RNF103: variants seen among roughly 807,000 people sequenced by gnomAD.
RNF103 encodes ring finger protein 103, also known as E3 ubiquitin-protein ligase RNF103.
Under a neutral mutation model 66.2 loss-of-function variants are expected in RNF103, and 23 were observed. The observed-to-expected ratio is 0.35, with a 90% CI of 0.25 to 0.49. The LOEUF (loss-of-function observed/expected upper bound fraction) is 0.49, where lower values mean the gene tolerates loss of function less well. Among genes scored for constraint, RNF103 ranks in the 20% least tolerant of loss-of-function variants. The pLI is 0.98. For missense variants in RNF103, 730 were observed against 814.7 expected, an observed-to-expected ratio of 0.90 and a Z score of 1.27; for synonymous variants, 297 against 289.9, an observed-to-expected ratio of 1.02 and a Z score of -0.25.
Position 86,606,206 on chromosome 2 carries a change from T to A in RNF103, c.483-788A>T, listed in dbSNP as rs376071528. On this transcript the variant is annotated intron_variant, in intron 3 of 3. Coordinates refer to ENST00000237455, the MANE Select transcript of RNF103 (RefSeq NM_005667.4). The stretch of plus-strand genomic sequence containing the variant: ...GAATGATCCCCATTTTACAGCAGAT[T>A]ATATTCAGAAGAATTTAACTAAAAT... Among the ~76,000 whole-genome samples the A allele has an allele frequency of 3.9e-5, 6 of 152,318 alleles. No homozygotes were observed. In the East Asian group the frequency reaches 7.7e-4, roughly 20 times the overall value.
rs139417009 is a variant in RNF103 at position 86,609,286 on chromosome 2, C to T, written c.482+2873G>A. ...TGTTCTGGCAGCACAGAAGCCTCAC[C>T]AGAAGCTGAGCAGATGCTGGCACCA... On this transcript the variant is annotated intron_variant, in intron 3 of 3. Transcript: ENST00000237455. Among the ~76,000 whole-genome samples the T allele has an allele frequency of 5.8e-3, 885 of 152,214 alleles. 5 individuals carry two copies. The highest frequency in any genetic ancestry group is 9.8e-3 in the Non-Finnish European group (667 of 68,008).
At chr2:86,608,486 CAAAAA>C (rs1222638516) in intron 3 of RNF103, among the ~76,000 whole-genome samples, 2,382 of 39,922 alleles carry the variant, frequency 0.06, 19 homozygotes, top group East Asian at 0.12. Context: ...GACTCCATCT[CAAAAA>C]AAAAAAAAAA....
chr2:86,604,324 T>C lies in RNF103; in HGVS notation c.1577A>G (p.Glu526Gly). The change falls in exon 4 of 4, where the codon GAG (glutamate) becomes GGG (glycine). Residue 526 changes from glutamate (E) to glycine (G), a missense_variant. Physicochemically the swap from Glu to Gly is moderately conservative, Grantham distance 98. Coordinates refer to ENST00000237455, the MANE Select transcript of RNF103 (RefSeq NM_005667.4). ...RFKCLGVQSE[E>G]EMSEGSQDTE... Reference sequence around the variant, plus strand: ...ATCTTGAGACCCCTCCGACATTTCCTCTTCAGACTGGACTCCAAGACATTT... The same window carrying C: ...ATCTTGAGACCCCTCCGACATTTCCCCTTCAGACTGGACTCCAAGACATTT... The C allele has an allele frequency of 6.2e-7, 1 of 1,614,230 alleles. No individual in the cohort carries two copies. The highest frequency in any genetic ancestry group is 8.5e-7 in the Non-Finnish European group (1 of 1,180,040).
In RNF103 at chr2:86,603,685, G is replaced by A; in HGVS notation, c.*158C>T. On this transcript the variant is annotated 3_prime_UTR_variant, in exon 4 of 4. Coordinates refer to ENST00000237455, the MANE Select transcript of RNF103 (RefSeq NM_005667.4). ...GGTATGCATTCAATTAACACACAAG[G>A]CAACCAAATAAATTCTGTCATCAAC... The A allele has an allele frequency of 1.8e-6, 2 of 1,081,544 alleles. No homozygotes were observed. Among genetic ancestry groups the A allele is most frequent in the Non-Finnish European group, 2.6e-6 (2 of 783,848 alleles). The allele number at this position is 1,081,544 out of a possible 1,614,324, so 67.0% of individuals were successfully genotyped here.
chr2:86,612,831 C>CT (rs768063100), intron 2 of RNF103: 1 of 152,144 alleles, frequency 6.6e-6, no homozygotes, highest in Non-Finnish European at 1.5e-5. Context: ...ATGAACGGCT[C>CT]TAACATACAA....
chr2:86,606,532 G>A (rs1452584956), intron 3 of RNF103, among the ~76,000 whole-genome samples: 5 of 151,656 alleles, frequency 3.3e-5, no homozygotes, highest in African/African-American at 1.2e-4. Context: ...GCATGGCAAC[G>A]CGTGCCTGTA....
In RNF103 at chr2:86,603,603, C is replaced by CA. The variant is rs1342315341; in HGVS notation, c.*239dup. 1.6e-5 allele frequency: 8 copies of CA among 512,112 alleles called. No individual in the cohort carries two copies. In the East Asian group the frequency reaches 2.3e-4, roughly 15 times the overall value. 31.7% of individuals were successfully genotyped at this position (512,112 alleles called of 1,614,324 possible). A position where few individuals can be genotyped will look rare whatever the true frequency, so the allele number is the denominator to read the frequency against. ...TTCTATAATACTTCTTTTGTGCTTA[C>CA]AAAAAAACATTAACTTCTGAATTTC... On this transcript the variant is annotated 3_prime_UTR_variant, in exon 4 of 4. Transcript: ENST00000237455.
At chr2:86,622,624 C>G (rs963140056) in intron 1 of RNF103, 37 bp downstream of exon 1, 24 of 1,606,904 alleles carry the variant, frequency 1.5e-5, no homozygotes, top group Non-Finnish European at 2.0e-5. Flanking sequence ...TCCCCTCTCC[C>G]AGGTGGAGGG....
chr2:86,616,073 C>T (rs114637818), intron 2 of RNF103, among the ~76,000 whole-genome samples: 113 of 152,340 alleles, frequency 7.4e-4, no homozygotes, highest in Middle Eastern at 3.4e-3. Flanking sequence ...CAAACAGTGG[C>T]ATAAATGGTA....
Position 86,623,577 on chromosome 2 carries a change from G to A in RNF103, c.-691C>T. 1.0e-6 allele frequency: 1 copy of A among 998,954 alleles called. No homozygotes were observed. Among genetic ancestry groups the A allele is most frequent in the Non-Finnish European group, 1.2e-6 (1 of 837,836 alleles). The allele number at this position is 998,954 out of a possible 1,614,324, so 61.9% of individuals were successfully genotyped here. ...GCTCCAGGTTCGCTCGGGCCGGCTGGCGGGCGGCGCCTCTCAGGCGGGCGG... is the reference window on the plus strand; with the variant it reads ...GCTCCAGGTTCGCTCGGGCCGGCTGACGGGCGGCGCCTCTCAGGCGGGCGG... On this transcript the variant is annotated 5_prime_UTR_variant, in exon 1 of 4. Coordinates refer to ENST00000237455, the MANE Select transcript of RNF103 (RefSeq NM_005667.4).
chr2:86,614,840 T>C (rs1678956789), intron 2 of RNF103: 1 of 985,256 alleles, frequency 1.0e-6, no homozygotes, highest in South Asian at 4.7e-5. Flanking sequence ...CTTTGCCCTC[T>C]TTTAAAAATA....
chr2:86,613,394 A>C (rs1422124974), intron 2 of RNF103: 5 of 152,212 alleles, frequency 3.3e-5, no homozygotes, highest in African/African-American at 9.6e-5. Flanking sequence ...AACATTAAAA[A>C]CAAGACCATA....
Position 86,623,220 on chromosome 2 carries a change from A to C in RNF103, c.-334T>G. 4.0e-6 allele frequency: 4 copies of C among 1,009,964 alleles called. No homozygotes were observed. Among genetic ancestry groups the C allele is most frequent in the Non-Finnish European group, 2.4e-6 (2 of 847,526 alleles). The allele number at this position is 1,009,964 out of a possible 1,614,324, so 62.6% of individuals were successfully genotyped here. On this transcript the variant is annotated 5_prime_UTR_variant, in exon 1 of 4. Coordinates refer to ENST00000237455, the MANE Select transcript of RNF103 (RefSeq NM_005667.4). ...GGGAGAGCTCGCGGGGAAGAACAAA[A>C]CGAGGGACGCTTCCCCCGGGGCGGG...
Position 86,612,219 on chromosome 2 carries a change from AC to A in RNF103, c.421del (p.Val141LeufsTer59). Reference sequence around the variant, plus strand: ...TATTCCAAATCTTGACACCTTTTTAACCATTTTCTCCCAGTGAATTTTGCCC... The same window carrying A: ...TATTCCAAATCTTGACACCTTTTTAACATTTTCTCCCAGTGAATTTTGCCC... ...LVGKIHWEKMVKKVSRFGIRT... is the reference protein window; with the variant it reads ...LVGKIHWEKMXKKVSRFGIRT... On this transcript the variant is annotated frameshift_variant, in exon 3 of 4. Coordinates refer to ENST00000237455, the MANE Select transcript of RNF103 (RefSeq NM_005667.4). LOFTEE classifies it high-confidence loss of function. The A allele has an allele frequency of 6.2e-7, 1 of 1,613,798 alleles. No homozygotes were observed. The highest frequency in any genetic ancestry group is 8.5e-7 in the Non-Finnish European group (1 of 1,179,880).
At chr2:86,611,803 C>A (rs1678805887) in intron 3 of RNF103, among the ~76,000 whole-genome samples, 1 of 152,054 alleles carries the variant, frequency 6.6e-6, no homozygotes, top group South Asian at 2.1e-4. Flanking sequence ...TTTATATCAG[C>A]ACAGAGGTGT....
At chr2:86,613,585 G>A (rs1678889987) in intron 2 of RNF103, 1 of 152,140 alleles carries the variant, frequency 6.6e-6, no homozygotes, top group Non-Finnish European at 1.5e-5. Context: ...TGGGAGGAAG[G>A]ACCATTTTCA....
At position 86,608,895 on chromosome 2, in the gene RNF103, G is replaced by C. The variant is rs1456810803; in HGVS notation, c.482+3264C>G. ...GAGCCAGGCAAGGCCACTCCTTCTG[G>C]GTACATAGGGAAAGAAATTAAAGCT... On this transcript the variant is annotated intron_variant, in intron 3 of 3. Coordinates refer to ENST00000237455, the MANE Select transcript of RNF103 (RefSeq NM_005667.4). Among the ~76,000 whole-genome samples the C allele has an allele frequency of 5.9e-5, 9 of 152,134 alleles. No homozygotes were observed. The South Asian group carries it at 1.9e-3, about 32-fold the overall frequency.
chr2:86,620,340 C>T lies in RNF103; in HGVS notation c.356G>A (p.Trp119Ter). The change falls in exon 2 of 4, where the codon TGG becomes TAG. Residue 119 changes from tryptophan to a stop codon, truncating the protein, a stop_gained. Coordinates refer to ENST00000237455, the MANE Select transcript of RNF103 (RefSeq NM_005667.4). LOFTEE classifies it high-confidence loss of function. Reference sequence around the variant, plus strand: ...TACTGCTTTTCATACCTGAACCAGCCAGATGCCATCTTTTGTGTCTTCCAC... The same window carrying T: ...TACTGCTTTTCATACCTGAACCAGCTAGATGCCATCTTTTGTGTCTTCCAC... ...ELVEDTKDGI[W>*]LVQVIANDRS... The T allele has an allele frequency of 6.2e-7, 1 of 1,602,096 alleles. No individual in the cohort carries two copies. Among genetic ancestry groups the T allele is most frequent in the Non-Finnish European group, 8.5e-7 (1 of 1,171,790 alleles).
chr2:86,622,836 G>T lies in RNF103; in HGVS notation c.51C>A (p.Val17=), dbSNP rs1466918352. 1 of 1,614,004 alleles carries T rather than the reference G, an allele frequency of 6.2e-7. No homozygotes were observed. The highest frequency in any genetic ancestry group is 8.5e-7 in the Non-Finnish European group (1 of 1,179,964). ...FLLLYFLVLF[V]LARFFEAIVW... ...CAATGGCCTCAAAAAACCTGGCCAG[G>T]ACGAACAGGACCAGGAAATAGAGGA... The change falls in exon 1 of 4, where the codon GTC becomes GTA. Residue 17 remains valine (V), a synonymous_variant. Coordinates refer to ENST00000237455, the MANE Select transcript of RNF103 (RefSeq NM_005667.4).
Sources: allele counts gnomAD v4.1 joint callset (sites outside exome capture counted in the v4.1 genomes callset), GRCh38; gene constraint gnomAD v4.1.1; transcripts MANE v1.5; gene names NCBI Gene and HGNC (gene_info 2026-07-23, HGNC 2026-07-21).